Variants in ROBO1 observed in about 807,000 individuals in gnomAD.
ROBO1 encodes roundabout homolog 1.
In ROBO1, 149 loss-of-function variants were observed where a neutral mutation model predicts 195.9. The ratio of observed to expected loss-of-function variants is 0.76; its 90% CI spans 0.67 to 0.87. ROBO1 has a LOEUF of 0.87. Ranked by LOEUF, ROBO1 falls within the 40% of genes least tolerant of loss-of-function variation. The pLI is 0.00. For missense variants in ROBO1, 1,933 were observed against 2,068.3 expected (o/e 0.93, Z 1.27); for synonymous variants, 816 against 733.2 (o/e 1.11, Z -1.82).
Position 79,005,380 on chromosome 3 carries a change from A to C in ROBO1, c.173-66453T>G, listed in dbSNP as rs567812257. Among the ~76,000 whole-genome samples, 3 of 152,274 alleles carry C rather than the reference A, an allele frequency of 2.0e-5. No homozygotes were observed. In the East Asian group the frequency reaches 5.8e-4, roughly 29 times the overall value. On this transcript the variant is annotated intron_variant, in intron 3 of 30. Coordinates refer to ENST00000464233, the MANE Select transcript of ROBO1 (RefSeq NM_002941.4). ...TGAGTAATGCTCTTAATGATCCCCA[A>C]TGGGACTACCATATTATTCCAGCAG...
At chr3:79,128,312 G>A (rs1483525219) in intron 2 of ROBO1, among the ~76,000 whole-genome samples, 1 of 152,072 alleles carries the variant, frequency 6.6e-6, no homozygotes, top group African/African-American at 2.4e-5. Context: ...TAGAGGTGCT[G>A]GGTTTTATGT....
intron 1 of ROBO1, among the ~76,000 whole-genome samples, chr3:79,765,288 A>C (rs940762271): frequency 1.3e-5 from 2 of 152,136 alleles, no homozygotes; most frequent in Non-Finnish European, 2.9e-5. Flanking sequence ...AGATATCCTA[A>C]TTTTTATCCC....
intron 2 of ROBO1, among the ~76,000 whole-genome samples, chr3:79,225,154 T>G (rs1372073954): frequency 6.6e-6 from 1 of 152,122 alleles, no homozygotes; most frequent in East Asian, 1.9e-4. Flanking sequence ...AAACTACATT[T>G]AGTAATTCTT....
chr3:78,760,192 G>A (rs559048820), intron 4 of ROBO1, among the ~76,000 whole-genome samples: 1 of 152,286 alleles, frequency 6.6e-6, no homozygotes, highest in South Asian at 2.1e-4. Flanking sequence ...GGCCTCCCCA[G>A]CCATGTGGAA....
At chr3:79,526,702 T>C (rs1559965632) in intron 2 of ROBO1, 1 of 152,306 alleles carries the variant, frequency 6.6e-6, no homozygotes, top group South Asian at 2.1e-4. Context: ...GAGAACTGAA[T>C]TTTTGTCTAA....
At chr3:79,500,921 CCTAA>C (rs1940036891) in intron 2 of ROBO1, among the ~76,000 whole-genome samples, 1 of 151,934 alleles carries the variant, frequency 6.6e-6, no homozygotes, top group South Asian at 2.1e-4. Flanking sequence ...CAGAATATAA[CCTAA>C]CTCTCTTTCT....
At chr3:79,052,700 T>G (rs1184786778) in intron 3 of ROBO1, among the ~76,000 whole-genome samples, 1 of 151,992 alleles carries the variant, frequency 6.6e-6, no homozygotes, top group African/African-American at 2.4e-5. Flanking sequence ...TTAGGGAAAA[T>G]AGAAAAGAAC....
intron 1 of ROBO1, among the ~76,000 whole-genome samples, chr3:79,619,141 G>T (rs1330790522): frequency 6.6e-6 from 1 of 152,062 alleles, no homozygotes; most frequent in African/African-American, 2.4e-5. Context: ...ACATTCCATT[G>T]GTGTCTGGTC....
At chr3:79,414,111 A>G (rs1296054174) in intron 2 of ROBO1, among the ~76,000 whole-genome samples, 2 of 152,028 alleles carry the variant, frequency 1.3e-5, no homozygotes, top group African/African-American at 4.8e-5. Context: ...AGAGTTTCCC[A>G]GGAGTTATCA....
Position 78,690,527 on chromosome 3 carries a change from T to G in ROBO1, c.1046-1755A>C, listed in dbSNP as rs548564447. Among the ~76,000 whole-genome samples, 241 of 152,208 alleles carry G rather than the reference T, an allele frequency of 1.6e-3. 1 individual carries two copies. The highest frequency in any genetic ancestry group is 5.6e-3 in the African/African-American group (234 of 41,560). ...GTAGCAAACACTATCATTACCCAGG[T>G]ATAATAATAGGCGAGGGCATCACTG... On this transcript the variant is annotated intron_variant, in intron 8 of 30. Coordinates refer to ENST00000464233, the MANE Select transcript of ROBO1 (RefSeq NM_002941.4).
intron 4 of ROBO1, among the ~76,000 whole-genome samples, chr3:78,858,773 G>T (rs1438034736): frequency 2.8e-5 from 1 of 35,572 alleles, no homozygotes; most frequent in Admixed American, 3.3e-4. Flanking sequence ...CCCACCCCCC[G>T]CCAGAAAACA....
At chr3:78,633,599 T>C (rs1214078759) in intron 24 of ROBO1, among the ~76,000 whole-genome samples, 1 of 152,184 alleles carries the variant, frequency 6.6e-6, no homozygotes, top group Non-Finnish European at 1.5e-5. Context: ...ATTTAGCAGG[T>C]TAACTCTGTG....
intron 2 of ROBO1, among the ~76,000 whole-genome samples, chr3:79,171,871 T>G (rs912100315): frequency 2.8e-4 from 42 of 152,250 alleles, no homozygotes; most frequent in African/African-American, 9.6e-4. Flanking sequence ...ATAAGTTATG[T>G]TGTACACATC....
intron 1 of ROBO1, among the ~76,000 whole-genome samples, chr3:79,709,862 A>G (rs1702205383): frequency 6.6e-6 from 1 of 152,120 alleles, no homozygotes; most frequent in Non-Finnish European, 1.5e-5. Context: ...CGTTTATTAC[A>G]CCATATGAGG....
chr3:79,696,083 A>G (rs147302240), intron 1 of ROBO1, among the ~76,000 whole-genome samples: 4 of 151,554 alleles, frequency 2.6e-5, no homozygotes, highest in Non-Finnish European at 5.9e-5. Context: ...TTGTTCACTA[A>G]AATGTTAATA....
chr3:78,952,202 T>C (rs2040827311), intron 3 of ROBO1, among the ~76,000 whole-genome samples: 1 of 151,394 alleles, frequency 6.6e-6, no homozygotes, highest in Non-Finnish European at 1.5e-5. Context: ...AAATATCATA[T>C]TAATGTATCT....
intron 3 of ROBO1, among the ~76,000 whole-genome samples, chr3:78,984,724 T>C (rs976687187): frequency 1.3e-5 from 2 of 152,124 alleles, no homozygotes; most frequent in African/African-American, 2.4e-5. Flanking sequence ...TGAGACTATG[T>C]AGGCAACTAC....
chr3:79,105,941 G>C (rs2079770883), intron 3 of ROBO1, among the ~76,000 whole-genome samples: 1 of 151,592 alleles, frequency 6.6e-6, no homozygotes, highest in Non-Finnish European at 1.5e-5. Context: ...CAAAGATCTT[G>C]GCTTGGATTC....
At position 79,072,596 on chromosome 3, in the gene ROBO1, T is replaced by C. The variant is rs190996905; in HGVS notation, c.172+52860A>G. ...CTCACCTATAGTTCTGCCTGGCTCC[T>C]GTAATATTTAAAGTCTGAGGATGTG... On this transcript the variant is annotated intron_variant, in intron 3 of 30. Coordinates refer to ENST00000464233, the MANE Select transcript of ROBO1 (RefSeq NM_002941.4). Among the ~76,000 whole-genome samples, 32 of 152,064 alleles carry C rather than the reference T, an allele frequency of 2.1e-4. No homozygotes were observed. In the East Asian group the frequency reaches 6.2e-3, roughly 30 times the overall value.
Sources: gnomAD v4.1 joint callset for allele counts (sites outside exome capture counted in the v4.1 genomes callset) on GRCh38, gnomAD v4.1.1 for gene constraint, MANE v1.5 for transcripts, NCBI Gene and HGNC (gene_info 2026-07-23, HGNC 2026-07-21) for gene names.